The following SUMF1 variants were observed in gnomAD, a reference collection of about 807,000 sequenced individuals.
The protein encoded by SUMF1 is formylglycine-generating enzyme.
In SUMF1, 48 loss-of-function variants were observed where a neutral mutation model predicts 47.6. That is an observed-to-expected ratio of 1.01 (90% CI 0.80 to 1.28). The LOEUF is 1.28. Ranked by LOEUF, SUMF1 falls within the 50% of genes most tolerant of loss-of-function variation. SUMF1 has a pLI of 0.00. For missense variants in SUMF1, 571 were observed against 485.4 expected, an observed-to-expected ratio of 1.18 and a Z score of -1.66; for synonymous variants, 230 against 192.1, an observed-to-expected ratio of 1.20 and a Z score of -1.63.
chr3:4,378,780 G>A (rs1046831236), intron 7 of SUMF1, among the ~76,000 whole-genome samples: 1 of 152,176 alleles, frequency 6.6e-6, no homozygotes, highest in Non-Finnish European at 1.5e-5. Flanking sequence ...CACTGCTTTA[G>A]GTGGTTCTCT....
At chr3:4,151,423 G>A (rs11708382) in intron 8 of SUMF1, among the ~76,000 whole-genome samples, 98,193 of 144,374 alleles carry the variant, frequency 0.68, 33,869 homozygotes, top group African/African-American at 0.73. Flanking sequence ...GTATATATGT[G>A]TATACATGTG....
intron 8 of SUMF1, among the ~76,000 whole-genome samples, chr3:4,150,660 T>C (rs898692626): frequency 2.6e-5 from 4 of 151,584 alleles, no homozygotes; most frequent in African/African-American, 9.8e-5. Flanking sequence ...GCTGTAATTA[T>C]AGGCATGAGC....
At chr3:4,444,472 T>C (rs1455278248) in intron 3 of SUMF1, among the ~76,000 whole-genome samples, 1 of 152,198 alleles carries the variant, frequency 6.6e-6, no homozygotes, top group Non-Finnish European at 1.5e-5. Context: ...ACAGAAATAG[T>C]ACAGTATTTT....
At chr3:4,053,529 A>C (rs1695147653) in intron 9 of SUMF1, among the ~76,000 whole-genome samples, 1 of 152,160 alleles carries the variant, frequency 6.6e-6, no homozygotes, top group African/African-American at 2.4e-5. Flanking sequence ...ACAATAAAGC[A>C]CAATTTTTAA....
chr3:4,240,520 T>A (rs111318775), intron 8 of SUMF1, among the ~76,000 whole-genome samples: 1 of 132,114 alleles, frequency 7.6e-6, no homozygotes, highest in African/African-American at 3.0e-5. Flanking sequence ...TGCTTTTAGA[T>A]GATTTTTTAA....
At chr3:4,090,918 A>G (rs1692771599) in intron 8 of SUMF1, among the ~76,000 whole-genome samples, 1 of 152,044 alleles carries the variant, frequency 6.6e-6, no homozygotes, top group African/African-American at 2.4e-5. Flanking sequence ...CATCTCTACT[A>G]AAATTACAAA....
rs114280754 is a variant in SUMF1, at chr3:4,340,797, G to A, written c.1014+35533C>T. Among the ~76,000 whole-genome samples the A allele has an allele frequency of 5.1e-3, 772 of 152,316 alleles. 7 individuals are homozygous for A. Among genetic ancestry groups the A allele is most frequent in the African/African-American group, 0.016 (677 of 41,554 alleles). On this transcript the variant is annotated intron_variant and NMD_transcript_variant, in intron 8 of 12. Coordinates refer to the SUMF1 transcript ENST00000448413. Reference sequence around the variant, plus strand: ...CATGCAGCTGAATGTGTGTTGAAGCGCCATTTCCTGAACACTGGAAGAGAA... The same window carrying A: ...CATGCAGCTGAATGTGTGTTGAAGCACCATTTCCTGAACACTGGAAGAGAA...
intron 8 of SUMF1, among the ~76,000 whole-genome samples, chr3:4,125,281 A>G (rs556647019): frequency 1.3e-5 from 2 of 152,158 alleles, no homozygotes; most frequent in Non-Finnish European, 2.9e-5. Context: ...ACTACATGTT[A>G]CCGGTTATTA....
intron 4 of SUMF1, among the ~76,000 whole-genome samples, chr3:4,419,452 G>A (rs1226942793): frequency 2.0e-5 from 3 of 152,228 alleles, no homozygotes; most frequent in South Asian, 2.1e-4. Flanking sequence ...TTCTTGGGCT[G>A]CTGAGATGCT....
chr3:4,249,411 A>ACGT (rs1696743158), intron 8 of SUMF1, among the ~76,000 whole-genome samples: 1 of 151,840 alleles, frequency 6.6e-6, no homozygotes, highest in Non-Finnish European at 1.5e-5. Flanking sequence ...TCTCTGTGTC[A>ACGT]CGTTTTGGTA....
rs534903953 is a variant in SUMF1 at position 4,391,811 on chromosome 3, T to TTTTTC, written c.955-15427_955-15423dup. ...TCTGCTCATTGGTTTGGATAATTCC[T>TTTTTC]TTTTCTTTTCTTTTCTTTTCTTTTT... On this transcript the variant is annotated intron_variant, in intron 7 of 8. Transcript: ENST00000272902. 1.4e-4 allele frequency among the ~76,000 whole-genome samples: 21 copies of TTTTTC among 149,398 alleles called. No homozygotes were observed. In the South Asian group the frequency reaches 2.7e-3, roughly 19 times the overall value.
intron 8 of SUMF1, among the ~76,000 whole-genome samples, chr3:4,179,780 T>C (rs1695051823): frequency 6.6e-6 from 1 of 152,140 alleles, no homozygotes; most frequent in Non-Finnish European, 1.5e-5. Context: ...GAGAAAATTT[T>C]TGTAATCTAT....
intron 8 of SUMF1, among the ~76,000 whole-genome samples, chr3:4,177,946 A>G (rs564386880): frequency 3.9e-4 from 59 of 152,298 alleles, no homozygotes; most frequent in African/African-American, 1.3e-3. Context: ...TCTAGAAGAA[A>G]TGGATAAATT....
chr3:4,094,755 A>G (rs1692864712), intron 8 of SUMF1, among the ~76,000 whole-genome samples: 1 of 152,112 alleles, frequency 6.6e-6, no homozygotes, highest in Non-Finnish European at 1.5e-5. Context: ...GCTGTTAATA[A>G]TGTAATACTT....
Position 4,331,785 on chromosome 3 carries a change from G to A in SUMF1, c.1014+44545C>T, listed in dbSNP as rs141611079. Among the ~76,000 whole-genome samples the A allele has an allele frequency of 1.2e-3, 181 of 152,214 alleles. 1 individual carries two copies. The highest frequency in any genetic ancestry group is 4.0e-3 in the African/African-American group (168 of 41,536). ...GCGGAGGTTGCAGTGAGCCAAGATCGCGCCACTGCACTCTAGCCTAGGTAA... is the reference window on the plus strand; with the variant it reads ...GCGGAGGTTGCAGTGAGCCAAGATCACGCCACTGCACTCTAGCCTAGGTAA... On this transcript the variant is annotated intron_variant and NMD_transcript_variant, in intron 8 of 12. Transcript: ENST00000448413.
At chr3:4,181,160 A>G (rs1695087655) in intron 8 of SUMF1, among the ~76,000 whole-genome samples, 1 of 152,088 alleles carries the variant, frequency 6.6e-6, no homozygotes, top group Non-Finnish European at 1.5e-5. Flanking sequence ...CTTCCTCATG[A>G]TGGTGGTTCT....
intron 9 of SUMF1, among the ~76,000 whole-genome samples, chr3:4,049,798 C>T (rs1156744007): frequency 2.0e-5 from 3 of 152,120 alleles, no homozygotes; most frequent in Non-Finnish European, 4.4e-5. Flanking sequence ...TGTACCCAAG[C>T]TCTCGTCCAA....
chr3:4,140,272 G>C (rs900179749), intron 8 of SUMF1, among the ~76,000 whole-genome samples: 1 of 152,018 alleles, frequency 6.6e-6, no homozygotes. Flanking sequence ...TAATAAAATA[G>C]GGATCTTATT....
At chr3:4,202,493 G>T (rs1375275538) in intron 8 of SUMF1, among the ~76,000 whole-genome samples, 2 of 151,940 alleles carry the variant, frequency 1.3e-5, no homozygotes, top group African/African-American at 4.8e-5. Flanking sequence ...GTACTATGTT[G>T]TTCTGATTAC....
Sources: gnomAD v4.1 joint callset for allele counts (sites outside exome capture counted in the v4.1 genomes callset) on GRCh38, gnomAD v4.1.1 for gene constraint, MANE v1.5 for transcripts, NCBI Gene and HGNC (gene_info 2026-07-23, HGNC 2026-07-21) for gene names.